TGFB1: variants seen among roughly 807,000 people sequenced by gnomAD.
The protein encoded by TGFB1 is transforming growth factor beta-1 proprotein.
Under a neutral mutation model 43.8 loss-of-function variants are expected in TGFB1, and 19 were observed. That is an observed-to-expected ratio of 0.43 (90% CI 0.30 to 0.64). The LOEUF is 0.64. Ranked by LOEUF, TGFB1 falls within the 30% of genes least tolerant of loss-of-function variation. The pLI, the probability that TGFB1 is intolerant of heterozygous loss-of-function variation, is 0.11. For synonymous variants in TGFB1, 221 were observed against 236.3 expected, an observed-to-expected ratio of 0.94 and a Z score of 0.60; for missense variants, 445 against 529.8, an observed-to-expected ratio of 0.84 and a Z score of 1.57.
chr19:41,344,524 C>A (rs938150013), intron 3 of TGFB1, among the ~76,000 whole-genome samples: 3 of 152,172 alleles, frequency 2.0e-5, no homozygotes, highest in African/African-American at 7.2e-5. Flanking sequence ...CTGTTTTGGT[C>A]ATTGCTGTGT....
In TGFB1 at chr19:41,352,887, A is replaced by C; in HGVS notation, c.158T>G (p.Ile53Ser). ...RKRIEAIRGQ[I>S]LSKLRLASPP... ...GCTGGCGAGCCGCAGCTTGGACAGG[A>C]TCTGGCCGCGGATGGCCTCGATGCG... The change falls in exon 1 of 7, where the codon ATC (isoleucine) becomes AGC (serine). Residue 53 changes from isoleucine to serine, a missense_variant. By Grantham distance (142) the Ile-to-Ser change is moderately radical. This residue lies in a region of TGFB1 where 366 missense variants were observed against 428.8 expected (regional missense o/e 0.85). Transcript: ENST00000221930. The C allele has an allele frequency of 6.4e-7, 1 of 1,563,332 alleles. No homozygotes were observed. The highest frequency in any genetic ancestry group is 8.7e-7 in the Non-Finnish European group (1 of 1,154,896).
At chr19:41,345,055 G>A (rs2038100782) in intron 2 of TGFB1, among the ~76,000 whole-genome samples, 191 bp from the exon 3 acceptor site, 1 of 152,210 alleles carries the variant, frequency 6.6e-6, no homozygotes, top group South Asian at 2.1e-4. Flanking sequence ...CATGAGAGGA[G>A]GGGTGGAGAA....
intron 2 of TGFB1, among the ~76,000 whole-genome samples, chr19:41,346,587 G>A (rs534175781): frequency 6.6e-6 from 1 of 152,294 alleles, no homozygotes; most frequent in South Asian, 2.1e-4. Context: ...CCTCTTGGAA[G>A]CTCCCTATCT....
chr19:41,345,512 A>C (rs2123104652), intron 2 of TGFB1, among the ~76,000 whole-genome samples: 1 of 152,256 alleles, frequency 6.6e-6, no homozygotes, highest in Admixed American at 6.5e-5. Context: ...AATAATAATA[A>C]ATAAAATAAA....
chr19:41,348,482 A>T, intron 1 of TGFB1, 27 bp from the exon 2 acceptor site: 2 of 1,609,772 alleles, frequency 1.2e-6, no homozygotes, highest in African/African-American at 2.7e-5. Flanking sequence ...AAGGGAGGCG[A>T]TCAGGGGTTT....
chr19:41,341,920 G>A lies in TGFB1; in HGVS notation c.823C>T (p.Arg275Trp). The change falls in exon 5 of 7, where the codon CGG becomes TGG. Residue 275 changes from arginine (R) to tryptophan (W), a missense_variant. Arg to Trp is a moderately radical substitution (Grantham distance 101). Around this residue, in one of 3 missense-constraint regions of TGFB1, gnomAD observed 366 missense variants for 428.8 expected, o/e 0.85. Transcript: ENST00000221930. ...TTGGTGTCCAGGGCTCGGCGGTGCCGGGAGCTTTGCAGATGCTGGGCCCTC... is the reference window on the plus strand; with the variant it reads ...TTGGTGTCCAGGGCTCGGCGGTGCCAGGAGCTTTGCAGATGCTGGGCCCTC... ...LERAQHLQSS[R>W]HRRALDTNYC... 6.2e-7 allele frequency: 1 copy of A among 1,614,032 alleles called. No individual in the cohort carries two copies. The highest frequency in any genetic ancestry group is 8.5e-7 in the Non-Finnish European group (1 of 1,179,966).
intron 5 of TGFB1, among the ~76,000 whole-genome samples, chr19:41,335,994 GTTT>G (rs373830946): frequency 2.2e-5 from 3 of 134,922 alleles, no homozygotes; most frequent in Non-Finnish European, 3.2e-5. Flanking sequence ...TCCTATGAAA[GTTT>G]TTTTTTTTTT....
intron 2 of TGFB1, among the ~76,000 whole-genome samples, chr19:41,347,854 C>A (rs1266847000): frequency 2.1e-5 from 3 of 145,062 alleles, no homozygotes; most frequent in African/African-American, 7.8e-5. Flanking sequence ...AAAAAAGAGG[C>A]CAGGCGCAGT....
At chr19:41,344,173 C>T (rs765696505) in intron 3 of TGFB1, among the ~76,000 whole-genome samples, 25 of 132,542 alleles carry the variant, frequency 1.9e-4, no homozygotes, top group African/African-American at 6.0e-4. Flanking sequence ...GTGTAGAGAC[C>T]GGGTTTCGCC....
chr19:41,332,373 G>A, intron 5 of TGFB1, 92 bp from the exon 6 acceptor site: 1 of 1,493,554 alleles, frequency 6.7e-7, no homozygotes, highest in African/African-American at 1.4e-5. Context: ...GTCACCCTAG[G>A]TTGCCCCCCC....
At position 41,353,112 on chromosome 19, in the gene TGFB1, C is replaced by G. The variant is rs1304775745; in HGVS notation, c.-68G>C. On this transcript the variant is annotated 5_prime_UTR_variant, in exon 1 of 7. Coordinates refer to ENST00000221930, the MANE Select transcript of TGFB1 (RefSeq NM_000660.7). This position sits in a 1 kb window ranked among gnomAD's most constrained non-coding sequence, Gnocchi z 5.9. The stretch of plus-strand genomic sequence containing the variant: ...GGCTGGTGTGGTGGGGAGGCCCCGC[C>G]CCTGCAGGGGCTGGGGGTCTCCCGG... 1 of 1,434,208 alleles carries G rather than the reference C, an allele frequency of 7.0e-7. No homozygotes were observed. The highest frequency in any genetic ancestry group is 1.5e-5 in the African/African-American group (1 of 68,352). 88.8% of individuals were successfully genotyped at this position (1,434,208 alleles called of 1,614,324 possible).
intron 2 of TGFB1, among the ~76,000 whole-genome samples, chr19:41,346,607 GT>G (rs1229888062): frequency 6.6e-6 from 1 of 152,218 alleles, no homozygotes; most frequent in Non-Finnish European, 1.5e-5. Flanking sequence ...TTCTAGAGCA[GT>G]GCTGTCCTAA....
intron 1 of TGFB1, among the ~76,000 whole-genome samples, chr19:41,351,466 G>T (rs961240162): frequency 6.6e-6 from 1 of 152,214 alleles, no homozygotes; most frequent in Non-Finnish European, 1.5e-5. Context: ...GACCTGCCCC[G>T]TCTCGCCCCG....
Position 41,338,969 on chromosome 19 carries a change from C to CGTGTGTGT in TGFB1, c.860+2906_860+2913dup, listed in dbSNP as rs71179696. On this transcript the variant is annotated intron_variant, in intron 5 of 6. Transcript: ENST00000221930. ...TGAATTTTTGGTTGCATGGGGGGTA[C>CGTGTGTGT]GTGTGTGTGTGTGTGTGCTTTCCCC... is the stretch of plus-strand genomic sequence containing the variant. Among the ~76,000 whole-genome samples the CGTGTGTGT allele has an allele frequency of 4.4e-4, 66 of 150,230 alleles. 1 individual carries two copies. The South Asian group carries it at 8.5e-3, about 19-fold the overall frequency.
intron 4 of TGFB1, 70 bp from the exon 5 acceptor site, chr19:41,342,100 C>T (rs767516971): frequency 1.0e-4 from 165 of 1,612,874 alleles, no homozygotes; most frequent in Non-Finnish European, 1.2e-4. Flanking sequence ...ATAAGTGGGG[C>T]GTGGGGCAGA....
chr19:41,334,971 G>C (rs2037973421), intron 5 of TGFB1, among the ~76,000 whole-genome samples: 1 of 151,860 alleles, frequency 6.6e-6, no homozygotes, highest in South Asian at 2.1e-4. Flanking sequence ...ATGTATGCAT[G>C]TATTTCTGGG....
intron 3 of TGFB1, among the ~76,000 whole-genome samples, chr19:41,342,886 A>G (rs779583089): frequency 2.0e-5 from 3 of 151,682 alleles, no homozygotes; most frequent in Non-Finnish European, 4.4e-5. Flanking sequence ...GGCTCAAGCA[A>G]TCCTCCTGCC....
rs551552217 is a variant in TGFB1 at position 41,352,937 on chromosome 19, G to T, written c.108C>A (p.Ile36=). 1.2e-5 allele frequency: 19 copies of T among 1,554,580 alleles called. No homozygotes were observed. Among genetic ancestry groups the T allele is most frequent in the Non-Finnish European group, 1.6e-5 (19 of 1,151,584 alleles). ...PAAGLSTCKT[I]DMELVKRKRI... ...GCTTCCGCTTCACCAGCTCCATGTC[G>T]ATAGTCTTGCAGGTGGATAGTCCCG... The change falls in exon 1 of 7, where the codon ATC becomes ATA. Residue 36 remains isoleucine, a synonymous_variant. Transcript: ENST00000221930.
At chr19:41,335,844 A>G (rs183066664) in intron 5 of TGFB1, among the ~76,000 whole-genome samples, 4 of 152,060 alleles carry the variant, frequency 2.6e-5, no homozygotes, top group Admixed American at 6.6e-5. Context: ...TTTATAAATA[A>G]AAGACCCAAC....
Sources: allele counts gnomAD v4.1 joint callset (sites outside exome capture counted in the v4.1 genomes callset), GRCh38; gene constraint gnomAD v4.1.1; regional missense constraint gnomAD v4.1.1; non-coding constraint Gnocchi (gnomAD v3.1); transcripts MANE v1.5; gene names NCBI Gene and HGNC (gene_info 2026-07-23, HGNC 2026-07-21).